DYNLT2B: variants seen among roughly 807,000 people sequenced by gnomAD.
The protein encoded by DYNLT2B is dynein light chain Tctex-type 2B.
A neutral mutation model predicts 19.5 loss-of-function variants in DYNLT2B; 14 were observed. That is an observed-to-expected ratio of 0.72 (90% confidence interval 0.47 to 1.12). The LOEUF (loss-of-function observed/expected upper bound fraction) is 1.12, where lower values mean the gene tolerates loss of function less well. DYNLT2B is among the 50% of genes most tolerant of loss of function. DYNLT2B has a pLI of 0.00. For missense variants in DYNLT2B, 133 were observed against 174.7 expected (o/e 0.76, Z 1.35); for synonymous variants, 70 against 59.7 (o/e 1.17, Z -0.79).
At chr3:196,304,646 G>A (rs955638739) in intron 3 of DYNLT2B, among the ~76,000 whole-genome samples, 4 of 151,178 alleles carry the variant, frequency 2.6e-5, no homozygotes, top group South Asian at 4.2e-4. Context: ...AGCCAAGATC[G>A]CACCATTGCA....
chr3:196,316,003 C>G, intron 2 of DYNLT2B, 95 bp downstream of exon 2: 1 of 1,388,826 alleles, frequency 7.2e-7, no homozygotes, highest in South Asian at 1.4e-5. Context: ...CCACACCTGG[C>G]CCCAATGTCC....
intron 2 of DYNLT2B, among the ~76,000 whole-genome samples, chr3:196,313,438 C>T (rs1008701250): frequency 6.6e-6 from 1 of 152,126 alleles, no homozygotes; most frequent in East Asian, 1.9e-4. Context: ...TCAAGAGATC[C>T]GCCCGCCTCA....
rs76143756 is a variant in DYNLT2B at position 196,303,482 on chromosome 3, A to G, written c.317+3461T>C. Among the ~76,000 whole-genome samples the G allele has an allele frequency of 3.7e-3, 566 of 152,332 alleles. 4 individuals are homozygous for G. Among genetic ancestry groups the G allele is most frequent in the African/African-American group, 0.013 (552 of 41,584 alleles). On this transcript the variant is annotated intron_variant, in intron 3 of 4. Coordinates refer to ENST00000325318, the MANE Select transcript of DYNLT2B (RefSeq NM_152773.5). ...GCTCAGGCAGGGAGGCAAAGTTCAT[A>G]TGAACAGTAACATGTCATGTTGACA...
At chr3:196,312,552 G>A (rs1726670646) in intron 2 of DYNLT2B, among the ~76,000 whole-genome samples, 3 of 152,064 alleles carry the variant, frequency 2.0e-5, no homozygotes, top group African/African-American at 7.2e-5. Context: ...TCTGCCTCCT[G>A]GGTTCAAGTG....
intron 2 of DYNLT2B, among the ~76,000 whole-genome samples, chr3:196,307,588 C>A (rs1481684677): frequency 6.6e-6 from 1 of 150,756 alleles, no homozygotes; most frequent in East Asian, 2.0e-4. Flanking sequence ...CAGGCGTGAG[C>A]CACCGCGCCC....
chr3:196,306,709 C>T (rs1726498486), intron 3 of DYNLT2B, among the ~76,000 whole-genome samples: 4 of 151,958 alleles, frequency 2.6e-5, no homozygotes, highest in African/African-American at 7.3e-5. Context: ...CCATCACACC[C>T]GGCTAATTTT....
intron 2 of DYNLT2B, chr3:196,315,219 A>G (rs1406210220): frequency 9.4e-6 from 4 of 425,276 alleles, no homozygotes; most frequent in South Asian, 6.8e-5. Context: ...CACAGCTAAC[A>G]TTCTATTTAC....
chr3:196,318,184 G>A lies in DYNLT2B; in HGVS notation c.-32C>T. On this transcript the variant is annotated 5_prime_UTR_variant, in exon 1 of 5. Transcript: ENST00000325318. ...GCTTCTCGGTCCGGGCGTAGCTCGC[G>A]ATGAAGGCCTAGCGGGTTGCGGTCG... The A allele has an allele frequency of 7.4e-7, 1 of 1,342,692 alleles. No individual in the cohort carries two copies. Among genetic ancestry groups the A allele is most frequent in the Non-Finnish European group, 1.0e-6 (1 of 999,976 alleles). The allele number at this position is 1,342,692 out of a possible 1,614,324, so 83.2% of individuals were successfully genotyped here. A position where few individuals can be genotyped will look rare whatever the true frequency, so the allele number is the denominator to read the frequency against.
rs1158196614 is a variant in DYNLT2B, at chr3:196,307,019, A to G, written c.248-7T>C. ...TATCGGTCAAATCCCATTTCTAGAA[A>G]GAAAAAATAAGGTTATTTATAAGCA... On this transcript the variant is annotated splice_region_variant and splice_polypyrimidine_tract_variant and intron_variant, in intron 2 of 4. Coordinates refer to ENST00000325318, the MANE Select transcript of DYNLT2B (RefSeq NM_152773.5). 3 of 1,612,518 alleles carry G rather than the reference A, an allele frequency of 1.9e-6. No homozygotes were observed. Among genetic ancestry groups the G allele is most frequent in the Middle Eastern group, 3.3e-4 (2 of 6,078 alleles).
chr3:196,291,672 G>C (rs986029670), intron 4 of DYNLT2B, among the ~76,000 whole-genome samples: 2 of 152,076 alleles, frequency 1.3e-5, no homozygotes, highest in Non-Finnish European at 2.9e-5. Flanking sequence ...TAAAGATGAG[G>C]TCTCACTATG....
chr3:196,309,595 A>G (rs965557584), intron 2 of DYNLT2B, among the ~76,000 whole-genome samples: 2 of 152,114 alleles, frequency 1.3e-5, no homozygotes, highest in Non-Finnish European at 2.9e-5. Context: ...AATATTGAAG[A>G]AAAGAAAGAA....
chr3:196,307,703 T>C (rs554200128), intron 2 of DYNLT2B, among the ~76,000 whole-genome samples: 4 of 152,198 alleles, frequency 2.6e-5, no homozygotes, highest in Non-Finnish European at 5.9e-5. Flanking sequence ...AGTCAGCTAG[T>C]GAGCTGAACC....
rs1262029561 is a variant in DYNLT2B at position 196,306,923 on chromosome 3, A to C, written c.317+20T>G. The C allele has an allele frequency of 1.2e-6, 2 of 1,607,394 alleles. No individual in the cohort carries two copies. Among genetic ancestry groups the C allele is most frequent in the Non-Finnish European group, 8.5e-7 (1 of 1,174,116 alleles). Reference sequence around the variant, plus strand: ...AGAAATATAGATGACTAAAACAAGAAGGAAAATCCAGCTACTCACAATACT... The same window carrying C: ...AGAAATATAGATGACTAAAACAAGACGGAAAATCCAGCTACTCACAATACT... On this transcript the variant is annotated intron_variant, in intron 3 of 4. Coordinates refer to ENST00000325318, the MANE Select transcript of DYNLT2B (RefSeq NM_152773.5).
chr3:196,302,703 C>T (rs897879912), intron 3 of DYNLT2B, among the ~76,000 whole-genome samples: 2 of 152,106 alleles, frequency 1.3e-5, no homozygotes, highest in Non-Finnish European at 2.9e-5. Context: ...GTGTGGGCTG[C>T]ACACGATGAT....
chr3:196,301,820 A>G (rs1297706331), intron 3 of DYNLT2B, among the ~76,000 whole-genome samples: 1 of 152,188 alleles, frequency 6.6e-6, no homozygotes, highest in African/African-American at 2.4e-5. Flanking sequence ...ACTGAAATCT[A>G]TAAAAACTAA....
At chr3:196,317,401 TAAAGTTA>T (rs1726893462) in intron 1 of DYNLT2B, among the ~76,000 whole-genome samples, 1 of 45,204 alleles carries the variant, frequency 2.2e-5, no homozygotes, top group Non-Finnish European at 4.6e-5. Flanking sequence ...TGTGTGTGTG[TAAAGTTA>T]GTGATCTCAC....
At position 196,291,343 on chromosome 3, in the gene DYNLT2B, C is replaced by G; in HGVS notation, c.413G>C (p.Gly138Ala). 2 of 1,610,660 alleles carry G rather than the reference C, an allele frequency of 1.2e-6. No homozygotes were observed. The highest frequency in any genetic ancestry group is 1.7e-6 in the Non-Finnish European group (2 of 1,178,592). The stretch of plus-strand genomic sequence containing the variant: ...AAGATTCATTCAGTAGTAGAAACAG[C>G]CAAATGCTGCTACAACGCAGAATAA... ...DSLFCVVAAFGCFYY is the reference protein window; with the variant it reads ...DSLFCVVAAFACFYY Residue 138 changes from glycine (G) to alanine (A), a missense_variant, in exon 5 of 5, where the codon GGC (glycine) becomes GCC (alanine). Transcript: ENST00000325318.
chr3:196,299,591 A>G (rs1341056771), intron 3 of DYNLT2B, among the ~76,000 whole-genome samples: 1 of 152,114 alleles, frequency 6.6e-6, no homozygotes, highest in Non-Finnish European at 1.5e-5. Flanking sequence ...ATAAAAAAGG[A>G]GAAAGTAGAA....
chr3:196,293,586 A>T (rs1029579054), intron 4 of DYNLT2B, among the ~76,000 whole-genome samples: 5 of 148,342 alleles, frequency 3.4e-5, no homozygotes, highest in African/African-American at 1.2e-4. Context: ...TGATGGCACC[A>T]CCACTCTCCA....
Sources: gnomAD v4.1 joint callset for allele counts (sites outside exome capture counted in the v4.1 genomes callset) on GRCh38, gnomAD v4.1.1 for gene constraint, MANE v1.5 for transcripts, NCBI Gene and HGNC (gene_info 2026-07-23, HGNC 2026-07-21) for gene names.